The following HPSE2 variants were observed in gnomAD, a reference collection of about 807,000 sequenced individuals.
HPSE2 encodes inactive heparanase-2.
In HPSE2, 38 loss-of-function variants were observed where a neutral mutation model predicts 60.5. The observed-to-expected ratio is 0.63, with a 90% confidence interval of 0.48 to 0.82. HPSE2 has a LOEUF of 0.82. Among genes scored for constraint, HPSE2 ranks in the 40% least tolerant of loss-of-function variants. The pLI is 0.00. For synonymous variants in HPSE2, 295 were observed against 293.2 expected (o/e 1.01, Z -0.06); for missense variants, 713 against 740.4 (o/e 0.96, Z 0.43).
intron 3 of HPSE2, among the ~76,000 whole-genome samples, chr10:98,766,335 G>A (rs908520922): frequency 6.6e-6 from 1 of 152,130 alleles, no homozygotes; most frequent in South Asian, 2.1e-4. Context: ...TGATTTCACT[G>A]CTGACACCAA....
chr10:98,740,968 G>T (rs931777395), intron 4 of HPSE2, among the ~76,000 whole-genome samples: 1 of 152,032 alleles, frequency 6.6e-6, no homozygotes, highest in African/African-American at 2.4e-5. Context: ...TCTAGTACAA[G>T]AAAAACTATC....
At chr10:98,607,370 C>T (rs1193689272) in intron 9 of HPSE2, among the ~76,000 whole-genome samples, 1 of 152,168 alleles carries the variant, frequency 6.6e-6, no homozygotes, top group Non-Finnish European at 1.5e-5. Flanking sequence ...ATATAAATGG[C>T]TGATGGCAGA....
At chr10:98,655,220 GGA>G (rs1353636454) in intron 6 of HPSE2, among the ~76,000 whole-genome samples, 3 of 151,852 alleles carry the variant, frequency 2.0e-5, no homozygotes, top group African/African-American at 4.8e-5. Flanking sequence ...GATAAGGCTT[GGA>G]GAGTTGGCTT....
At chr10:98,670,047 T>C (rs1947466481) in intron 6 of HPSE2, among the ~76,000 whole-genome samples, 1 of 152,006 alleles carries the variant, frequency 6.6e-6, no homozygotes, top group African/African-American at 2.4e-5. Flanking sequence ...CTATTCTAGG[T>C]AAAGGGGAAG....
At chr10:99,198,281 T>C (rs1848467607) in intron 2 of HPSE2, among the ~76,000 whole-genome samples, 1 of 152,330 alleles carries the variant, frequency 6.6e-6, no homozygotes, top group South Asian at 2.1e-4. Context: ...CAAGGTTTAA[T>C]AAATGTTTAA....
rs145170182 is a variant in HPSE2 at position 98,599,914 on chromosome 10, T to A, written c.1320+14990A>T. Reference sequence around the variant, plus strand: ...CCCAGCCTTCTTTTTTGGCTAATTTTAAAGACAAATAGTCATTACATTGAT... The same window carrying A: ...CCCAGCCTTCTTTTTTGGCTAATTTAAAAGACAAATAGTCATTACATTGAT... On this transcript the variant is annotated intron_variant, in intron 9 of 11. Coordinates refer to ENST00000370552, the MANE Select transcript of HPSE2 (RefSeq NM_021828.5). Among the ~76,000 whole-genome samples the A allele has an allele frequency of 4.6e-3, 702 of 152,324 alleles. 8 individuals carry two copies. Among genetic ancestry groups the A allele is most frequent in the African/African-American group, 0.016 (674 of 41,582 alleles).
chr10:98,551,795 C>A (rs1284662851), intron 9 of HPSE2, among the ~76,000 whole-genome samples: 1 of 152,012 alleles, frequency 6.6e-6, no homozygotes, highest in Non-Finnish European at 1.5e-5. Flanking sequence ...TGCTTACAAC[C>A]AAAGTATCCT....
intron 3 of HPSE2, among the ~76,000 whole-genome samples, chr10:98,847,610 C>T (rs1053988822): frequency 1.3e-5 from 2 of 152,164 alleles, no homozygotes; most frequent in Admixed American, 1.3e-4. Flanking sequence ...ATCATGATAG[C>T]TTATTGATGT....
At position 98,732,832 on chromosome 10, in the gene HPSE2, C is replaced by T. The variant is rs148942644; in HGVS notation, c.785-11004G>A. 1.6e-3 allele frequency among the ~76,000 whole-genome samples: 243 copies of T among 151,724 alleles called. 3 individuals are homozygous for T. The highest frequency in any genetic ancestry group is 5.4e-3 in the African/African-American group (225 of 41,374). On this transcript the variant is annotated intron_variant, in intron 4 of 11. Transcript: ENST00000370552. ...AAAGATGCCATCAAGTTACAAAAGA[C>T]GAAGTAAAAAAATTATTTGCAAATC... is the stretch of plus-strand genomic sequence containing the variant.
chr10:98,867,583 T>A (rs1424998984), intron 3 of HPSE2, among the ~76,000 whole-genome samples: 1 of 152,200 alleles, frequency 6.6e-6, no homozygotes, highest in African/African-American at 2.4e-5. Context: ...GAGAACAGTT[T>A]GGAGTTTCTC....
chr10:98,958,615 A>G (rs752990901), intron 3 of HPSE2, among the ~76,000 whole-genome samples: 18 of 152,086 alleles, frequency 1.2e-4, no homozygotes, highest in Non-Finnish European at 2.2e-4. Flanking sequence ...AAGAAACTAT[A>G]GATTCTTTAA....
intron 3 of HPSE2, among the ~76,000 whole-genome samples, chr10:98,871,618 T>G (rs1195246931): frequency 6.6e-6 from 1 of 152,086 alleles, no homozygotes; most frequent in African/African-American, 2.4e-5. Flanking sequence ...GAATATTTAC[T>G]AAATTCATGC....
At chr10:99,213,565 G>C (rs1849021115) in intron 2 of HPSE2, among the ~76,000 whole-genome samples, 1 of 152,054 alleles carries the variant, frequency 6.6e-6, no homozygotes, top group Non-Finnish European at 1.5e-5. Flanking sequence ...CAATGTCACT[G>C]TCAATTGCCA....
At chr10:99,088,726 G>T (rs1278895270) in intron 3 of HPSE2, among the ~76,000 whole-genome samples, 1 of 152,166 alleles carries the variant, frequency 6.6e-6, no homozygotes, top group African/African-American at 2.4e-5. Context: ...ACCCAGGAGT[G>T]GGATTGCTGG....
intron 9 of HPSE2, among the ~76,000 whole-genome samples, chr10:98,540,468 G>C (rs1157339186): frequency 6.6e-6 from 1 of 152,132 alleles, no homozygotes; most frequent in African/African-American, 2.4e-5. Flanking sequence ...TGCAATTATA[G>C]GTCATTTGAC....
the HPSE2 span, among the ~76,000 whole-genome samples, chr10:99,248,735 G>A: frequency 6.6e-6 from 1 of 152,212 alleles, no homozygotes; most frequent in South Asian, 2.1e-4. Context: ...CCCCTCACAG[G>A]CCCCAAGGCC....
At chr10:99,313,623 C>T in the HPSE2 span, among the ~76,000 whole-genome samples, 6 of 41,446 alleles carry the variant, frequency 1.4e-4, no homozygotes, top group East Asian at 6.9e-4. Flanking sequence ...TTTTTTGAGA[C>T]GGAGTCTCAC....
intron 3 of HPSE2, among the ~76,000 whole-genome samples, chr10:98,754,789 T>C (rs1008600201): frequency 6.6e-6 from 1 of 150,442 alleles, no homozygotes; most frequent in Non-Finnish European, 1.5e-5. Context: ...CAAACTAAGA[T>C]TCATAAGCAA....
At chr10:98,725,175 T>C (rs992350603) in intron 4 of HPSE2, among the ~76,000 whole-genome samples, 2 of 152,094 alleles carry the variant, frequency 1.3e-5, no homozygotes, top group African/African-American at 4.8e-5. Flanking sequence ...GAGCCCACAT[T>C]GCCAAGTCAA....
Sources: allele counts gnomAD v4.1 joint callset (sites outside exome capture counted in the v4.1 genomes callset), GRCh38; gene constraint gnomAD v4.1.1; transcripts MANE v1.5; gene names NCBI Gene and HGNC (gene_info 2026-07-23, HGNC 2026-07-21).